TFEC: variants seen among roughly 807,000 people sequenced by gnomAD.
TFEC encodes the protein transcription factor EC.
Under a neutral mutation model 41.6 loss-of-function variants are expected in TFEC, and 31 were observed. That is an observed-to-expected ratio of 0.74 (90% confidence interval 0.56 to 1.01). The LOEUF (loss-of-function observed/expected upper bound fraction) is 1.01, where lower values mean the gene tolerates loss of function less well. TFEC is among the 50% of genes least tolerant of loss of function. TFEC has a pLI of 0.00. For missense variants in TFEC, 402 were observed against 404.1 expected (o/e 0.99, Z 0.04); for synonymous variants, 143 against 140.6 (o/e 1.02, Z -0.12).
chr7:116,098,867 AAAGGAAGGAAGGAAGG>A (rs59276209), intron 3 of TFEC, among the ~76,000 whole-genome samples: 162 of 115,114 alleles, frequency 1.4e-3, no homozygotes, highest in South Asian at 7.0e-3. Flanking sequence ...GAGAGGAAGA[AAAGGAAGGAAGGAAGG>A]AAGGAAGGAA....
At chr7:115,979,575 C>G (rs866484248) in intron 2 of TFEC, among the ~76,000 whole-genome samples, 1 of 152,076 alleles carries the variant, frequency 6.6e-6, no homozygotes, top group Non-Finnish European at 1.5e-5. Context: ...TCTTATTGAC[C>G]GTTCTAAGTT....
intron 3 of TFEC, among the ~76,000 whole-genome samples, chr7:116,055,815 TG>T (rs1796416551): frequency 6.6e-6 from 1 of 152,054 alleles, no homozygotes; most frequent in African/African-American, 2.4e-5. Flanking sequence ...GAGAGTGGGT[TG>T]AAGAACCAGA....
chr7:116,144,098 A>G (rs1444580946), intron 1 of TFEC, among the ~76,000 whole-genome samples: 1 of 152,044 alleles, frequency 6.6e-6, no homozygotes, highest in Non-Finnish European at 1.5e-5. Context: ...CACGCCTGTA[A>G]TCCCAGCTAC....
chr7:116,034,707 C>CAT (rs1162964098), upstream of TFEC, among the ~76,000 whole-genome samples: 1 of 151,586 alleles, frequency 6.6e-6, no homozygotes, highest in Admixed American at 6.6e-5. Context: ...CACACACACA[C>CAT]ACACACAGCA....
chr7:115,982,471 C>A (rs1793671010), intron 2 of TFEC, among the ~76,000 whole-genome samples: 1 of 152,102 alleles, frequency 6.6e-6, no homozygotes, highest in South Asian at 2.1e-4. Context: ...TATATCCTAG[C>A]TATCAAAGAT....
intron 3 of TFEC, among the ~76,000 whole-genome samples, chr7:116,044,960 T>C (rs1796129288): frequency 6.6e-6 from 1 of 152,244 alleles, no homozygotes; most frequent in African/African-American, 2.4e-5. Flanking sequence ...CTGAGGAAAC[T>C]GTACCCCTTT....
intron 1 of TFEC, among the ~76,000 whole-genome samples, chr7:116,116,789 T>C (rs766579751): frequency 3.3e-5 from 5 of 151,826 alleles, no homozygotes; most frequent in Non-Finnish European, 7.4e-5. Flanking sequence ...GGTTCTCTAG[T>C]TTGTCTGGCA....
intron 1 of TFEC, among the ~76,000 whole-genome samples, chr7:116,011,057 G>C (rs1794982342): frequency 6.6e-6 from 1 of 152,140 alleles, no homozygotes; most frequent in Non-Finnish European, 1.5e-5. Flanking sequence ...TCATCCAGGA[G>C]ATAAAGGCTA....
chr7:115,973,656 T>C (rs1793236939), intron 3 of TFEC, among the ~76,000 whole-genome samples: 1 of 152,052 alleles, frequency 6.6e-6, no homozygotes, highest in Non-Finnish European at 1.5e-5. Context: ...TTCTACATAC[T>C]TTAAAGGAGG....
intron 3 of TFEC, among the ~76,000 whole-genome samples, chr7:116,055,899 C>A (rs957113298): frequency 6.6e-6 from 1 of 152,000 alleles, no homozygotes; most frequent in Non-Finnish European, 1.5e-5. Context: ...TTTGTGTATA[C>A]TATACCATGC....
chr7:116,156,331 T>G (rs1226938881), intron 1 of TFEC, among the ~76,000 whole-genome samples: 1 of 152,212 alleles, frequency 6.6e-6, no homozygotes, highest in Non-Finnish European at 1.5e-5. Context: ...CTGAAACATT[T>G]GTCTCTAAAA....
chr7:116,153,179 G>A (rs1284843368), intron 1 of TFEC, among the ~76,000 whole-genome samples: 2 of 152,178 alleles, frequency 1.3e-5, no homozygotes, highest in African/African-American at 4.8e-5. Flanking sequence ...TGGACAAATA[G>A]CAATGACATC....
intron 1 of TFEC, chr7:116,121,451 T>C (rs1390376207): frequency 6.6e-6 from 1 of 151,980 alleles, no homozygotes; most frequent in African/African-American, 2.4e-5. Context: ...AGTTTCTCTC[T>C]GGGGTGACGA....
intron 1 of TFEC, among the ~76,000 whole-genome samples, chr7:116,158,264 A>G (rs970647834): frequency 7.2e-5 from 11 of 152,104 alleles, no homozygotes; most frequent in African/African-American, 2.7e-4. Flanking sequence ...TCGAGCCTAT[A>G]GAGTCTTTTT....
chr7:115,947,077 C>T (rs1395854018), intron 6 of TFEC, among the ~76,000 whole-genome samples: 1 of 119,018 alleles, frequency 8.4e-6, no homozygotes, highest in Non-Finnish European at 1.7e-5. Context: ...CCCCTCCCCC[C>T]ACCCCACAAC....
intron 1 of TFEC, among the ~76,000 whole-genome samples, chr7:116,015,378 C>T (rs1795151389): frequency 6.6e-6 from 1 of 152,030 alleles, no homozygotes; most frequent in Non-Finnish European, 1.5e-5. Flanking sequence ...TTCTCCCTTT[C>T]TTTCTCAGCA....
intron 1 of TFEC, among the ~76,000 whole-genome samples, chr7:116,125,569 G>A (rs1798192320): frequency 6.6e-6 from 1 of 152,172 alleles, no homozygotes; most frequent in Non-Finnish European, 1.5e-5. Flanking sequence ...GAATACATTA[G>A]TTTAGGAAAG....
intron 6 of TFEC, among the ~76,000 whole-genome samples, chr7:115,946,513 T>C (rs1332742501): frequency 6.6e-6 from 1 of 150,684 alleles, no homozygotes; most frequent in African/African-American, 2.4e-5. Context: ...AATCCTGGGT[T>C]CAAGTGATCC....
intron 3 of TFEC, among the ~76,000 whole-genome samples, chr7:116,104,927 A>C (rs1314690175): frequency 2.6e-5 from 4 of 152,322 alleles, no homozygotes; most frequent in African/African-American, 9.6e-5. Context: ...TAAACATCGA[A>C]GACTTAGCTA....
Sources: allele counts gnomAD v4.1 joint callset (sites outside exome capture counted in the v4.1 genomes callset), GRCh38; gene constraint gnomAD v4.1.1; transcripts MANE v1.5; gene names NCBI Gene and HGNC (gene_info 2026-07-23, HGNC 2026-07-21).